The following XRN2 variants were observed in gnomAD, a reference collection of about 807,000 sequenced individuals.
XRN2 encodes 5'-3' exoribonuclease 2, also known as DHM1-like protein.
In XRN2, 44 loss-of-function variants were observed where a neutral mutation model predicts 138.5. The observed-to-expected ratio is 0.32, with a 90% CI of 0.25 to 0.41. The LOEUF (loss-of-function observed/expected upper bound fraction) is 0.41. XRN2 is among the 10% of genes least tolerant of loss of function. The pLI is 1.00. For missense variants in XRN2, 937 were observed against 1,169.3 expected (o/e 0.80, Z 2.90); for synonymous variants, 354 against 369.4 (o/e 0.96, Z 0.48).
At chr20:21,324,497 C>CTTTTTTTTTTTTTTTGT in intron 1 of XRN2, among the ~76,000 whole-genome samples, 1 of 145,356 alleles carries the variant, frequency 6.9e-6, no homozygotes, top group Admixed American at 6.8e-5. Flanking sequence ...TGTATATGTT[C>CTTTTTTTTTTTTTTTGT]TTTTTTTTTT....
At chr20:21,338,438 G>A (rs1272933432) in intron 13 of XRN2, among the ~76,000 whole-genome samples, 9 of 152,152 alleles carry the variant, frequency 5.9e-5, no homozygotes, top group South Asian at 2.1e-4. Flanking sequence ...GTAGTAAGCC[G>A]TGCATACACC....
chr20:21,374,412 CTT>C (rs770282724), intron 27 of XRN2, among the ~76,000 whole-genome samples: 6 of 152,018 alleles, frequency 3.9e-5, no homozygotes, highest in Non-Finnish European at 8.8e-5. Context: ...AAGGGGGAGA[CTT>C]TTACTGTTTC....
At position 21,331,649 on chromosome 20, in the gene XRN2, C is replaced by A. The variant is rs200477715; in HGVS notation, c.649+16C>A. On this transcript the variant is annotated intron_variant, in intron 7 of 29. Coordinates refer to ENST00000377191, the MANE Select transcript of XRN2 (RefSeq NM_012255.5). ...AGGCAAAGAGGTAAAGCTTACTTAC[C>A]AATATTTGATTATATGTTCTATTTT... The A allele has an allele frequency of 1.1e-5, 18 of 1,607,846 alleles. No individual in the cohort carries two copies. Among genetic ancestry groups the A allele is most frequent in the Non-Finnish European group, 1.4e-5 (17 of 1,177,644 alleles).
rs1366263689 is a variant in XRN2, at chr20:21,306,748, G to A, written c.75+3275G>A. On this transcript the variant is annotated intron_variant, in intron 1 of 29. Transcript: ENST00000377191. ...TTATTGGCCGGGTGCGGTGGCTCAC[G>A]ACTGTAATCCCAGCACTTTGGGAGG... Among the ~76,000 whole-genome samples the A allele has an allele frequency of 8.0e-5, 6 of 75,280 alleles. 3 individuals are homozygous for A. In the South Asian group the frequency reaches 3.5e-3, roughly 44 times the overall value. The allele number at this position is 75,280 out of a possible 152,430, so 49.4% of individuals were successfully genotyped here.
intron 26 of XRN2, among the ~76,000 whole-genome samples, chr20:21,367,691 A>C (rs1421715802): frequency 6.6e-6 from 1 of 152,188 alleles, no homozygotes; most frequent in Non-Finnish European, 1.5e-5. Flanking sequence ...GTAGTTCCTA[A>C]ACACTATGTA....
chr20:21,385,402 A>C (rs900228995), intron 28 of XRN2, among the ~76,000 whole-genome samples: 2 of 152,236 alleles, frequency 1.3e-5, no homozygotes, highest in African/African-American at 4.8e-5. Context: ...CTTCTTGCTA[A>C]AACAGATGGA....
intron 1 of XRN2, among the ~76,000 whole-genome samples, chr20:21,320,195 T>G (rs2122184389): frequency 6.6e-6 from 1 of 152,242 alleles, no homozygotes; most frequent in South Asian, 2.1e-4. Flanking sequence ...TTGACAGGGT[T>G]CTTTTGTTGT....
At position 21,365,877 on chromosome 20, in the gene XRN2, A is replaced by G. The variant is rs181489835; in HGVS notation, c.2456+173A>G. 7.5e-3 allele frequency among the ~76,000 whole-genome samples: 642 copies of G among 85,046 alleles called. 8 individuals carry two copies. Among genetic ancestry groups the G allele is most frequent in the African/African-American group, 0.028 (625 of 22,454 alleles). The allele number at this position is 85,046 out of a possible 152,430, so 55.8% of individuals were successfully genotyped here. A position where few individuals can be genotyped will look rare whatever the true frequency, so the allele number is the denominator to read the frequency against. On this transcript the variant is annotated intron_variant, in intron 26 of 29. Coordinates refer to ENST00000377191, the MANE Select transcript of XRN2 (RefSeq NM_012255.5). ...ACATATATAATATATAATTATATAT[A>G]ATATTATATAATATATAATTATATA... is the stretch of plus-strand genomic sequence containing the variant.
chr20:21,347,628 G>A (rs1351396619), intron 17 of XRN2, among the ~76,000 whole-genome samples: 4 of 152,180 alleles, frequency 2.6e-5, no homozygotes, highest in Non-Finnish European at 2.9e-5. Context: ...TCTTTTTGCT[G>A]TGTTTACTCA....
intron 1 of XRN2, among the ~76,000 whole-genome samples, chr20:21,321,054 T>C (rs1416993141): frequency 6.6e-6 from 1 of 151,438 alleles, no homozygotes; most frequent in Non-Finnish European, 1.5e-5. Flanking sequence ...CTCACTCTGT[T>C]GCCCAGGCTG....
At chr20:21,368,352 A>G in intron 26 of XRN2, 111 bp from the exon 27 acceptor site, 4 of 1,325,840 alleles carry the variant, frequency 3.0e-6, no homozygotes, top group Non-Finnish European at 3.1e-6. Context: ...TATCTTAATC[A>G]GATCTGTTAG....
rs530419581 is a variant in XRN2 at position 21,345,206 on chromosome 20, A to G, written c.1529+998A>G. Among the ~76,000 whole-genome samples, 22 of 152,330 alleles carry G rather than the reference A, an allele frequency of 1.4e-4. No homozygotes were observed. The South Asian group carries it at 4.6e-3, about 32-fold the overall frequency. ...TGTTTACTATGTAGCCATCATGATCAATACTAGTTTAATAGGTAACTTGAT... is the reference window on the plus strand; with the variant it reads ...TGTTTACTATGTAGCCATCATGATCGATACTAGTTTAATAGGTAACTTGAT... On this transcript the variant is annotated intron_variant, in intron 16 of 29. Coordinates refer to ENST00000377191, the MANE Select transcript of XRN2 (RefSeq NM_012255.5).
intron 27 of XRN2, among the ~76,000 whole-genome samples, 174 bp from the exon 28 acceptor site, chr20:21,381,820 C>T (rs2038888347): frequency 2.0e-5 from 3 of 151,814 alleles, no homozygotes; most frequent in Admixed American, 2.0e-4. Flanking sequence ...AATTTGCTGA[C>T]CTTGTTAGTT....
chr20:21,373,558 A>G (rs2038785746), intron 27 of XRN2, among the ~76,000 whole-genome samples: 1 of 152,240 alleles, frequency 6.6e-6, no homozygotes, highest in Non-Finnish European at 1.5e-5. Flanking sequence ...CACATTTTCC[A>G]AATTACATTC....
chr20:21,325,653 G>T (rs531974403), intron 1 of XRN2, among the ~76,000 whole-genome samples: 1 of 152,348 alleles, frequency 6.6e-6, no homozygotes, highest in East Asian at 1.9e-4. Context: ...TTACAAGAGA[G>T]TGAGTGGGCT....
chr20:21,311,724 A>G (rs1002277081), intron 1 of XRN2, among the ~76,000 whole-genome samples: 2 of 152,198 alleles, frequency 1.3e-5, no homozygotes, highest in Admixed American at 6.5e-5. Flanking sequence ...ATGTTGGCTC[A>G]CGCCTGCAAT....
intron 28 of XRN2, among the ~76,000 whole-genome samples, chr20:21,385,992 G>T (rs1473323392): frequency 1.3e-5 from 2 of 152,182 alleles, no homozygotes; most frequent in Admixed American, 1.3e-4. Context: ...TATGGAAAGT[G>T]CCTTAAGGAG....
At chr20:21,337,467 A>T (rs973742153) in intron 13 of XRN2, among the ~76,000 whole-genome samples, 2 of 152,184 alleles carry the variant, frequency 1.3e-5, no homozygotes, top group Non-Finnish European at 2.9e-5. Flanking sequence ...TATTTCAGAC[A>T]TGTGAAGTTT....
chr20:21,359,171 G>A (rs1354120603), intron 24 of XRN2, among the ~76,000 whole-genome samples: 1 of 152,174 alleles, frequency 6.6e-6, no homozygotes, highest in African/African-American at 2.4e-5. Flanking sequence ...GATGATGTTG[G>A]TTGGTTGTTT....
Sources: gnomAD v4.1 joint callset for allele counts (sites outside exome capture counted in the v4.1 genomes callset) on GRCh38, gnomAD v4.1.1 for gene constraint, MANE v1.5 for transcripts, NCBI Gene and HGNC (gene_info 2026-07-23, HGNC 2026-07-21) for gene names.